The following SLC44A1 variants were observed in gnomAD, a reference collection of about 807,000 sequenced individuals.
SLC44A1 encodes choline transporter-like protein 1.
Under a neutral mutation model 79.3 loss-of-function variants are expected in SLC44A1, and 26 were observed. The observed-to-expected ratio is 0.33, with a 90% CI of 0.24 to 0.46. SLC44A1 has a LOEUF of 0.46. Among genes scored for constraint, SLC44A1 ranks in the 20% least tolerant of loss-of-function variants. The pLI, the probability that SLC44A1 is intolerant of heterozygous loss-of-function variation, is 1.00. For missense variants in SLC44A1, 688 were observed against 798.1 expected, an observed-to-expected ratio of 0.86 and a Z score of 1.66; for synonymous variants, 263 against 286.2, an observed-to-expected ratio of 0.92 and a Z score of 0.82.
At chr9:105,278,890 C>T (rs1830279642) in intron 1 of SLC44A1, among the ~76,000 whole-genome samples, 1 of 152,010 alleles carries the variant, frequency 6.6e-6, no homozygotes, top group Non-Finnish European at 1.5e-5. Context: ...TGCTTGAAAA[C>T]ATTATTATGC....
intron 15 of SLC44A1, chr9:105,438,223 T>C: frequency 6.8e-7 from 1 of 1,464,256 alleles, no homozygotes; most frequent in Non-Finnish European, 9.3e-7. Flanking sequence ...TGATTACTTC[T>C]CATTGTGTCA....
chr9:105,261,710 G>A (rs1829842215), intron 1 of SLC44A1, among the ~76,000 whole-genome samples: 1 of 151,484 alleles, frequency 6.6e-6, no homozygotes, highest in African/African-American at 2.4e-5. Context: ...TAAGGGAGAT[G>A]CTACGGAGGG....
chr9:105,419,935 A>G (rs893739028), intron 15 of SLC44A1, among the ~76,000 whole-genome samples: 11 of 151,626 alleles, frequency 7.3e-5, no homozygotes, highest in African/African-American at 2.4e-4. Flanking sequence ...AAAAAAAAAA[A>G]AAGAAGGCAA....
At chr9:105,362,138 GT>G (rs1466612905) in intron 8 of SLC44A1, among the ~76,000 whole-genome samples, 1 of 152,044 alleles carries the variant, frequency 6.6e-6, no homozygotes, top group African/African-American at 2.4e-5. Flanking sequence ...CAATTAACAT[GT>G]GGTTAAATAA....
At chr9:105,318,041 G>A (rs1487418742) in intron 3 of SLC44A1, among the ~76,000 whole-genome samples, 1 of 152,064 alleles carries the variant, frequency 6.6e-6, no homozygotes, top group Non-Finnish European at 1.5e-5. Flanking sequence ...AGCATAAAGT[G>A]GAAAAGAGCA....
At chr9:105,433,591 C>T (rs78996927) in intron 15 of SLC44A1, among the ~76,000 whole-genome samples, 64 of 151,928 alleles carry the variant, frequency 4.2e-4, no homozygotes, top group Non-Finnish European at 6.0e-4. Context: ...AGATACCGCA[C>T]TCCCTCCCAC....
intron 3 of SLC44A1, among the ~76,000 whole-genome samples, chr9:105,332,147 T>A (rs1045940652): frequency 6.1e-5 from 9 of 147,814 alleles, no homozygotes; most frequent in Non-Finnish European, 1.3e-4. Context: ...TGAGACACAG[T>A]CTCGCTCTGT....
chr9:105,408,576 A>G (rs1327170565), intron 15 of SLC44A1, among the ~76,000 whole-genome samples: 1 of 152,110 alleles, frequency 6.6e-6, no homozygotes, highest in African/African-American at 2.4e-5. Context: ...CATCTGGCTA[A>G]TTTTTGTCTT....
At chr9:105,306,922 G>A (rs1180028880) in intron 2 of SLC44A1, among the ~76,000 whole-genome samples, 1 of 152,190 alleles carries the variant, frequency 6.6e-6, no homozygotes, top group Non-Finnish European at 1.5e-5. Flanking sequence ...AAAGAAGATT[G>A]TAATTGTGGT....
intron 15 of SLC44A1, among the ~76,000 whole-genome samples, chr9:105,421,536 A>T (rs1038012766): frequency 1.3e-5 from 2 of 151,464 alleles, no homozygotes; most frequent in East Asian, 3.9e-4. Context: ...GAGCAGCGAC[A>T]CTCATAATCC....
chr9:105,363,459 C>T (rs951911318), intron 9 of SLC44A1, among the ~76,000 whole-genome samples: 21 of 151,882 alleles, frequency 1.4e-4, no homozygotes, highest in Non-Finnish European at 2.5e-4. Context: ...CGTGAGCCAC[C>T]GCACCTGGCC....
chr9:105,308,687 A>G (rs1005848789), intron 2 of SLC44A1, among the ~76,000 whole-genome samples: 2 of 152,230 alleles, frequency 1.3e-5, no homozygotes, highest in African/African-American at 4.8e-5. Context: ...GGCTATTTAC[A>G]TAAGTACTAC....
At chr9:105,388,996 TGTCTAA>T (rs1320852474) in intron 15 of SLC44A1, 31 bp from the exon 16 acceptor site, 6 of 1,506,542 alleles carry the variant, frequency 4.0e-6, no homozygotes, top group East Asian at 2.3e-5. Flanking sequence ...TAATGGTAAT[TGTCTAA>T]GATTATACTC....
chr9:105,315,877 C>T (rs1041970248), intron 3 of SLC44A1, among the ~76,000 whole-genome samples: 2 of 152,152 alleles, frequency 1.3e-5, no homozygotes, highest in Non-Finnish European at 2.9e-5. Context: ...AATCATATTG[C>T]TGTTTACTGA....
chr9:105,333,177 T>C (rs558161948), intron 3 of SLC44A1, among the ~76,000 whole-genome samples: 2 of 152,216 alleles, frequency 1.3e-5, no homozygotes, highest in Non-Finnish European at 2.9e-5. Context: ...ACAGACAGTG[T>C]ATCTATTCTC....
chr9:105,384,257 C>T (rs1828562845), intron 14 of SLC44A1, among the ~76,000 whole-genome samples: 2 of 151,780 alleles, frequency 1.3e-5, no homozygotes, highest in African/African-American at 4.8e-5. Flanking sequence ...ATGGTCTTGG[C>T]TCTGCAACCT....
intron 13 of SLC44A1, among the ~76,000 whole-genome samples, chr9:105,379,472 A>G (rs1158804634): frequency 6.6e-6 from 1 of 152,176 alleles, no homozygotes; most frequent in East Asian, 1.9e-4. Flanking sequence ...ACAAGATGTT[A>G]TCATTGAAGG....
chr9:105,380,788 T>C (rs1828438688), intron 13 of SLC44A1, among the ~76,000 whole-genome samples: 1 of 152,162 alleles, frequency 6.6e-6, no homozygotes, highest in Admixed American at 6.5e-5. Flanking sequence ...TGAGACATAG[T>C]CTTTATCAGC....
Position 105,389,860 on chromosome 9 carries a change from AC to A in SLC44A1, c.*807del. ...GCCTGATTTGAAAGGAAGCTGGGGC[AC>A]CCAGCGAGTTTAGCCTTTAAGTTTC... On this transcript the variant is annotated 3_prime_UTR_variant, in exon 16 of 16. Coordinates refer to ENST00000374720, the MANE Select transcript of SLC44A1 (RefSeq NM_080546.5). 1 of 1,469,552 alleles carries A rather than the reference AC, an allele frequency of 6.8e-7. No individual in the cohort carries two copies. Among genetic ancestry groups the A allele is most frequent in the Non-Finnish European group, 9.0e-7 (1 of 1,109,924 alleles). 91.0% of individuals were successfully genotyped at this position (1,469,552 alleles called of 1,614,324 possible).
Sources: gnomAD v4.1 joint callset for allele counts (sites outside exome capture counted in the v4.1 genomes callset) on GRCh38, gnomAD v4.1.1 for gene constraint, MANE v1.5 for transcripts, NCBI Gene and HGNC (gene_info 2026-07-23, HGNC 2026-07-21) for gene names.